CEP83: variants seen among roughly 807,000 people sequenced by gnomAD.
CEP83 encodes centrosomal protein of 83 kDa.
CEP83 carries 70 observed loss-of-function variants against 101.9 expected under a neutral mutation model. That is an observed-to-expected ratio of 0.69 (90% CI 0.57 to 0.84). The LOEUF is 0.84. Ranked by LOEUF, CEP83 falls within the 40% of genes least tolerant of loss-of-function variation. CEP83 has a pLI of 0.00. For synonymous variants in CEP83, 264 were observed against 267.9 expected (o/e 0.99, Z 0.14); for missense variants, 715 against 787.2 (o/e 0.91, Z 1.10).
At chr12:94,363,783 T>C (rs2060890430) in intron 11 of CEP83, among the ~76,000 whole-genome samples, 1 of 151,650 alleles carries the variant, frequency 6.6e-6, no homozygotes, top group African/African-American at 2.4e-5. Flanking sequence ...ACGGCATCTC[T>C]ACAAAAATAC....
chr12:94,367,274 A>G (rs1368735001), intron 11 of CEP83, among the ~76,000 whole-genome samples: 1 of 152,174 alleles, frequency 6.6e-6, no homozygotes, highest in Non-Finnish European at 1.5e-5. Context: ...TTTATAGGGG[A>G]AAAATGTGGC....
intron 14 of CEP83, among the ~76,000 whole-genome samples, chr12:94,330,953 T>C (rs80168527): frequency 0.049 from 7,465 of 152,196 alleles, 331 homozygotes; most frequent in Non-Finnish European, 0.069. Flanking sequence ...AAATTAAACA[T>C]ATCACTAAAA....
In CEP83 at chr12:94,338,686, A is replaced by T. The variant is rs189165749; in HGVS notation, c.1344-3022T>A. On this transcript the variant is annotated intron_variant, in intron 11 of 16. Transcript: ENST00000397809. ...AATGAGTAGGTGATAGGGAGAAATCAGAGGGTGAAGGATGAGTAAGTTGGG... is the reference window on the plus strand; with the variant it reads ...AATGAGTAGGTGATAGGGAGAAATCTGAGGGTGAAGGATGAGTAAGTTGGG... Among the ~76,000 whole-genome samples the T allele has an allele frequency of 5.4e-3, 818 of 152,326 alleles. 18 individuals carry two copies. The highest frequency in any genetic ancestry group is 3.0e-3 in the Non-Finnish European group (207 of 68,032).
chr12:94,309,985 T>C lies in CEP83; in HGVS notation c.1934A>G (p.Asn645Ser). The C allele has an allele frequency of 6.2e-7, 1 of 1,612,382 alleles. No homozygotes were observed. Among genetic ancestry groups the C allele is most frequent in the Non-Finnish European group, 8.5e-7 (1 of 1,178,928 alleles). ...GGCTGATGACTGAAAGCTAACAGGA[T>C]TGATAGATGCTGTTGGAGGCATGTT... ...VPNMPPTASI[N>S]PVSFQSSAMV... The change falls in exon 16 of 17, where the codon AAT becomes AGT. Residue 645 changes from asparagine to serine, a missense_variant. Transcript: ENST00000397809.
At chr12:94,413,755 A>G (rs2064062068) in intron 2 of CEP83, among the ~76,000 whole-genome samples, 1 of 151,608 alleles carries the variant, frequency 6.6e-6, no homozygotes, top group African/African-American at 2.4e-5. Context: ...AAGTGTTCTT[A>G]TAACTAAGAA....
chr12:94,356,466 G>T (rs1409402536), intron 11 of CEP83, among the ~76,000 whole-genome samples: 1 of 152,116 alleles, frequency 6.6e-6, no homozygotes, highest in Non-Finnish European at 1.5e-5. Flanking sequence ...AAAAATAGCT[G>T]CCCCAGTGAC....
chr12:94,391,857 T>C (rs1041942225), intron 6 of CEP83, among the ~76,000 whole-genome samples: 1 of 149,454 alleles, frequency 6.7e-6, no homozygotes, highest in Non-Finnish European at 1.5e-5. Flanking sequence ...TAAAACAAAC[T>C]TTAAAACAAA....
intron 4 of CEP83, among the ~76,000 whole-genome samples, chr12:94,410,033 T>G (rs1283144071): frequency 6.6e-6 from 1 of 152,140 alleles, no homozygotes; most frequent in Non-Finnish European, 1.5e-5. Context: ...CCATAATAGA[T>G]TCAAAGAAAA....
the CEP83 span, chr12:94,298,567 A>G: frequency 1.6e-6 from 2 of 1,280,432 alleles, no homozygotes; most frequent in Non-Finnish European, 2.2e-6. Context: ...TGCTTTTGCT[A>G]TTATGTTTTC....
At chr12:94,375,838 T>C (rs1458048047) in intron 8 of CEP83, 48 bp downstream of exon 8, 2 of 1,052,404 alleles carry the variant, frequency 1.9e-6, no homozygotes, top group Non-Finnish European at 2.6e-6. Context: ...TATCATTATA[T>C]ACTAACAAAC....
At chr12:94,449,023 G>GAAAA (rs34981223) in intron 1 of CEP83, among the ~76,000 whole-genome samples, 2 of 120,010 alleles carry the variant, frequency 1.7e-5, no homozygotes, top group Non-Finnish European at 3.5e-5. Flanking sequence ...CAACAAAATC[G>GAAAA]AAAAAAAAAA....
intron 11 of CEP83, among the ~76,000 whole-genome samples, chr12:94,355,227 C>A (rs1381850897): frequency 4.6e-5 from 7 of 152,168 alleles, no homozygotes; most frequent in Admixed American, 4.6e-4. Flanking sequence ...GGCACAGTGG[C>A]TCACACCTGT....
intron 2 of CEP83, 150 bp downstream of exon 2, chr12:94,435,125 T>C (rs1038643546): frequency 2.6e-5 from 4 of 152,230 alleles, no homozygotes; most frequent in African/African-American, 9.7e-5. Context: ...ATTTGCACCC[T>C]AGTTCCTAAC....
At chr12:94,297,237 T>C in the CEP83 span, 1 of 1,613,950 alleles carries the variant, frequency 6.2e-7, no homozygotes, top group Non-Finnish European at 8.5e-7. Flanking sequence ...TCAGGCTTTC[T>C]TGTGCTCACC....
At chr12:94,452,408 A>G (rs2067326103) in intron 1 of CEP83, among the ~76,000 whole-genome samples, 1 of 152,284 alleles carries the variant, frequency 6.6e-6, no homozygotes, top group African/African-American at 2.4e-5. Context: ...CAAACTTTGG[A>G]AAATTTGTTG....
intron 11 of CEP83, among the ~76,000 whole-genome samples, chr12:94,346,128 C>T (rs2059922842): frequency 6.6e-6 from 1 of 152,130 alleles, no homozygotes; most frequent in Non-Finnish European, 1.5e-5. Flanking sequence ...CGGCTCACTG[C>T]AACCTCTGCC....
chr12:94,297,510 T>A, the CEP83 span: 1 of 916,536 alleles, frequency 1.1e-6, no homozygotes, highest in Non-Finnish European at 1.7e-6. Flanking sequence ...TGTGAAAATG[T>A]TACAAATCCC....
chr12:94,407,367 G>A (rs535028935), intron 4 of CEP83, among the ~76,000 whole-genome samples: 2 of 152,272 alleles, frequency 1.3e-5, no homozygotes, highest in South Asian at 4.1e-4. Context: ...GAGAACAGCA[G>A]CCAAAAAACC....
chr12:94,424,204 TGTG>T, intron 2 of CEP83: 1 of 1,609,508 alleles, frequency 6.2e-7, no homozygotes, highest in Non-Finnish European at 8.5e-7. Context: ...TCTGAAGAGC[TGTG>T]GTGGGGTCAT....
Sources: gnomAD v4.1 joint callset for allele counts (sites outside exome capture counted in the v4.1 genomes callset) on GRCh38, gnomAD v4.1.1 for gene constraint, MANE v1.5 for transcripts, NCBI Gene and HGNC (gene_info 2026-07-23, HGNC 2026-07-21) for gene names.